Variants in PTPN14 observed in about 807,000 individuals in gnomAD.
The protein encoded by PTPN14 is tyrosine-protein phosphatase non-receptor type 14.
In PTPN14, 53 loss-of-function variants were observed where a neutral mutation model predicts 126.8. That is an observed-to-expected ratio of 0.42 (90% CI 0.34 to 0.53). The LOEUF (loss-of-function observed/expected upper bound fraction) is 0.53, where lower values mean the gene tolerates loss of function less well. Ranked by LOEUF, PTPN14 falls within the 20% of genes least tolerant of loss-of-function variation. The pLI is 0.08. For missense variants in PTPN14, 1,257 were observed against 1,552.9 expected, an observed-to-expected ratio of 0.81 and a Z score of 3.20; for synonymous variants, 630 against 599.3, an observed-to-expected ratio of 1.05 and a Z score of -0.75.
At chr1:214,379,774 G>A (rs1658430420) in intron 13 of PTPN14, among the ~76,000 whole-genome samples, 1 of 152,216 alleles carries the variant, frequency 6.6e-6, no homozygotes, top group Non-Finnish European at 1.5e-5. Flanking sequence ...AAGTCTTCCT[G>A]CCTTTGCTTC....
chr1:214,384,625 G>T lies in PTPN14; in HGVS notation c.1230C>A (p.Ser410=), dbSNP rs1225130892. The T allele has an allele frequency of 6.2e-7, 1 of 1,614,030 alleles. No individual in the cohort carries two copies. Among genetic ancestry groups the T allele is most frequent in the Admixed American group, 1.7e-5 (1 of 60,008 alleles). The change falls in exon 13 of 19, where the codon TCC becomes TCA. Residue 410 remains serine (S), a synonymous_variant. Transcript: ENST00000366956. The surrounding 1 kb of genome is among the most constrained non-coding windows in gnomAD (Gnocchi z 5.3). ...SQSFIQASPV[S]SNLSIPGSDI... ...CACTCCCAGGGATACTGAGGTTGGA[G>T]GATACAGGGGAGGCCTGGATGAAAC... is the stretch of plus-strand genomic sequence containing the variant.
chr1:214,444,663 G>A (rs1660104905), intron 3 of PTPN14, among the ~76,000 whole-genome samples: 2 of 152,132 alleles, frequency 1.3e-5, no homozygotes, highest in African/African-American at 4.8e-5. Context: ...GTATTTATAA[G>A]AAAGAAAATG....
chr1:214,524,605 T>C (rs1266905809), intron 1 of PTPN14, among the ~76,000 whole-genome samples: 1 of 152,000 alleles, frequency 6.6e-6, no homozygotes, highest in African/African-American at 2.4e-5. Context: ...TGGGCTATGA[T>C]CGTGCCACTG....
chr1:214,414,972 T>C (rs1659393098), intron 3 of PTPN14, among the ~76,000 whole-genome samples: 1 of 152,178 alleles, frequency 6.6e-6, no homozygotes, highest in African/African-American at 2.4e-5. Context: ...CACTTATTTG[T>C]AGGCCAGCGG....
chr1:214,470,733 G>A (rs541769720), intron 1 of PTPN14, among the ~76,000 whole-genome samples: 13 of 128,362 alleles, frequency 1.0e-4, no homozygotes, highest in Admixed American at 2.5e-4. Context: ...GCAGTGAGCC[G>A]AGATCGTGCC....
At chr1:214,463,571 A>T (rs1660560551) in intron 2 of PTPN14, among the ~76,000 whole-genome samples, 1 of 152,148 alleles carries the variant, frequency 6.6e-6, no homozygotes, top group Non-Finnish European at 1.5e-5. Flanking sequence ...ACGTCTTTAG[A>T]AGGGACTTTC....
At chr1:214,506,752 C>T (rs1015404158) in intron 1 of PTPN14, among the ~76,000 whole-genome samples, 10 of 152,238 alleles carry the variant, frequency 6.6e-5, no homozygotes, top group African/African-American at 2.2e-4. Flanking sequence ...CAGCACAAAA[C>T]AGCCCCTGTG....
In PTPN14 at chr1:214,524,869, T is replaced by C. The variant is rs184023672; in HGVS notation, c.-155+26314A>G. Reference sequence around the variant, plus strand: ...CTATCACATCCTGTTCTCTAGAGATTTCCAGCCCAGAATTTGAAACACCCC... The same window carrying C: ...CTATCACATCCTGTTCTCTAGAGATCTCCAGCCCAGAATTTGAAACACCCC... On this transcript the variant is annotated intron_variant, in intron 1 of 18. Transcript: ENST00000366956. Among the ~76,000 whole-genome samples the C allele has an allele frequency of 1.7e-3, 258 of 152,278 alleles. 1 individual carries two copies. Among genetic ancestry groups the C allele is most frequent in the African/African-American group, 5.8e-3 (239 of 41,562 alleles).
intron 3 of PTPN14, among the ~76,000 whole-genome samples, chr1:214,435,917 C>A (rs992504312): frequency 2.6e-5 from 4 of 152,204 alleles, no homozygotes; most frequent in African/African-American, 7.2e-5. Context: ...CAATATAAAT[C>A]ATTCCATTAT....
intron 3 of PTPN14, among the ~76,000 whole-genome samples, chr1:214,441,057 G>A (rs184180538): frequency 2.6e-5 from 4 of 152,298 alleles, no homozygotes; most frequent in Admixed American, 6.5e-5. Flanking sequence ...AGTGAAGAAA[G>A]GCATGAACGG....
intron 1 of PTPN14, among the ~76,000 whole-genome samples, chr1:214,480,487 C>T (rs1660960975): frequency 6.6e-6 from 1 of 152,196 alleles, no homozygotes; most frequent in Non-Finnish European, 1.5e-5. Flanking sequence ...ACCTCAAAGT[C>T]TCAATGTCTT....
intron 1 of PTPN14, among the ~76,000 whole-genome samples, chr1:214,523,936 G>GC (rs1244076062): frequency 6.8e-6 from 1 of 147,002 alleles, no homozygotes; most frequent in East Asian, 2.0e-4. Flanking sequence ...TGCAACCTCT[G>GC]CCTCCTGGGT....
In PTPN14 at chr1:214,364,740, G is replaced by A. The variant is rs970058854; in HGVS notation, c.3272-65C>T. On this transcript the variant is annotated intron_variant, in intron 17 of 18. Coordinates refer to ENST00000366956, the MANE Select transcript of PTPN14 (RefSeq NM_005401.5). The surrounding 1 kb of genome is among the most constrained non-coding windows in gnomAD (Gnocchi z 4.1). ...ATGGCTTCGCATGTAAGTTGGGGAGGGGGGAGCGGAAGAGAACTGATGGTG... is the reference window on the plus strand; with the variant it reads ...ATGGCTTCGCATGTAAGTTGGGGAGAGGGGAGCGGAAGAGAACTGATGGTG... 6.5e-7 allele frequency: 1 copy of A among 1,546,460 alleles called. No individual in the cohort carries two copies. The highest frequency in any genetic ancestry group is 8.8e-7 in the Non-Finnish European group (1 of 1,138,100).
intron 3 of PTPN14, among the ~76,000 whole-genome samples, chr1:214,448,454 C>G (rs889516663): frequency 3.3e-5 from 5 of 150,658 alleles, no homozygotes; most frequent in African/African-American, 1.2e-4. Flanking sequence ...CCATGTTAGC[C>G]AGGATGGTCT....
chr1:214,486,779 TC>T (rs759043006), intron 1 of PTPN14, among the ~76,000 whole-genome samples: 77 of 152,198 alleles, frequency 5.1e-4, no homozygotes, highest in Non-Finnish European at 9.4e-4. Context: ...CCTCTCCCAT[TC>T]CCCCTAGTAG....
intron 1 of PTPN14, among the ~76,000 whole-genome samples, chr1:214,511,219 T>G (rs2102443949): frequency 6.6e-6 from 1 of 152,282 alleles, no homozygotes; most frequent in Admixed American, 6.5e-5. Context: ...GCTGAATGGA[T>G]AACCTTTTGC....
intron 1 of PTPN14, among the ~76,000 whole-genome samples, chr1:214,502,713 A>C (rs1247108430): frequency 1.3e-5 from 2 of 152,214 alleles, no homozygotes; most frequent in Non-Finnish European, 2.9e-5. Context: ...GACTTGGAAC[A>C]AATGATCAAA....
chr1:214,525,596 G>A (rs778910685), intron 1 of PTPN14, among the ~76,000 whole-genome samples: 8 of 152,118 alleles, frequency 5.3e-5, no homozygotes, highest in Non-Finnish European at 7.3e-5. Context: ...CTTTCACTCT[G>A]ACCGCAAATT....
intron 5 of PTPN14, among the ~76,000 whole-genome samples, chr1:214,403,316 A>G (rs1305823932): frequency 6.6e-6 from 1 of 152,226 alleles, no homozygotes; most frequent in Non-Finnish European, 1.5e-5. Context: ...GGTATAGGCC[A>G]ATGAGTTTCC....
Sources: gnomAD v4.1 joint callset for allele counts (sites outside exome capture counted in the v4.1 genomes callset) on GRCh38, gnomAD v4.1.1 for gene constraint, Gnocchi (gnomAD v3.1) non-coding constraint, MANE v1.5 for transcripts, NCBI Gene and HGNC (gene_info 2026-07-23, HGNC 2026-07-21) for gene names.